Variants in DNTTIP1 observed in about 807,000 individuals in gnomAD.
DNTTIP1 encodes deoxynucleotidyltransferase terminal interacting protein 1.
DNTTIP1 carries 22 observed loss-of-function variants against 52.9 expected under a neutral mutation model. That is an observed-to-expected ratio of 0.42 (90% confidence interval 0.30 to 0.59). The LOEUF (loss-of-function observed/expected upper bound fraction) is 0.59, where lower values mean the gene tolerates loss of function less well. Ranked by LOEUF, DNTTIP1 falls within the 20% of genes least tolerant of loss-of-function variation. DNTTIP1 has a pLI of 0.22. For synonymous variants in DNTTIP1, 136 were observed against 155.1 expected (o/e 0.88, Z 0.92); for missense variants, 286 against 435.5 (o/e 0.66, Z 3.06).
chr20:45,805,819 C>G (rs1981619534), intron 10 of DNTTIP1, among the ~76,000 whole-genome samples: 1 of 152,206 alleles, frequency 6.6e-6, no homozygotes, highest in Non-Finnish European at 1.5e-5. Flanking sequence ...TGCGTGAGCT[C>G]ACACCTGTAA....
chr20:45,797,611 C>T (rs1981285256), intron 4 of DNTTIP1, among the ~76,000 whole-genome samples: 1 of 152,150 alleles, frequency 6.6e-6, no homozygotes. Flanking sequence ...CCAGAATCTA[C>T]AATGAACTCT....
intron 5 of DNTTIP1, 37 bp downstream of exon 5, chr20:45,801,179 G>C (rs374568306): frequency 6.3e-7 from 1 of 1,599,384 alleles, no homozygotes; most frequent in African/African-American, 1.3e-5. Flanking sequence ...TGGAGCGGGA[G>C]GTCCTTCAGG....
rs554012652 is a variant in DNTTIP1, at chr20:45,811,228, C to A, written c.*33C>A. ...TCCCCTGGCCACACTTGGCAGCCCT[C>A]CTCCAAAGCCCTCTTCCTCACGTGG... On this transcript the variant is annotated 3_prime_UTR_variant, in exon 13 of 13. Coordinates refer to ENST00000372622, the MANE Select transcript of DNTTIP1 (RefSeq NM_052951.3). 3 of 1,574,364 alleles carry A rather than the reference C, an allele frequency of 1.9e-6. No individual in the cohort carries two copies. The highest frequency in any genetic ancestry group is 2.6e-6 in the Non-Finnish European group (3 of 1,162,720).
intron 4 of DNTTIP1, among the ~76,000 whole-genome samples, chr20:45,797,067 A>G (rs79490689): frequency 6.6e-6 from 1 of 152,196 alleles, no homozygotes; most frequent in Non-Finnish European, 1.5e-5. Context: ...TCAGCCGCTC[A>G]TAATTCACAC....
chr20:45,800,679 TA>T (rs144859982), intron 4 of DNTTIP1, among the ~76,000 whole-genome samples: 860 of 14,618 alleles, frequency 0.059, 34 homozygotes, highest in East Asian at 0.16. Context: ...CATCTCAATT[TA>T]AAAAAAAAAA....
intron 11 of DNTTIP1, 144 bp from the exon 12 acceptor site, chr20:45,810,741 T>G (rs1235629476): frequency 5.8e-6 from 4 of 691,230 alleles, no homozygotes; most frequent in Non-Finnish European, 1.0e-5. Context: ...CCCTCCCCAC[T>G]TACTCTTCCG....
rs763995174 is a variant in DNTTIP1, at chr20:45,805,286, A to C, written c.663-20A>C. The stretch of plus-strand genomic sequence containing the variant: ...GACTACACTTTCTGGAATCTTGACC[A>C]CTTGGCTTTTACTTTTCAGAGCCCT... On this transcript the variant is annotated intron_variant, in intron 9 of 12. Transcript: ENST00000372622. 2 of 1,614,068 alleles carry C rather than the reference A, an allele frequency of 1.2e-6. No homozygotes were observed. The highest frequency in any genetic ancestry group is 2.2e-5 in the East Asian group (1 of 44,898).
Position 45,792,059 on chromosome 20 carries a change from G to A in DNTTIP1, c.55G>A (p.Gly19Ser), listed in dbSNP as rs772067016. ...GCGGGGACCTAGCGGGGCCGAGAGG[G>A]GCGGCTTGGAGCTGGGGGATGCGGG... is the stretch of plus-strand genomic sequence containing the variant. The part of the protein sequence containing the change: ...QPRGPSGAER[G>S]GLELGDAGAA... Residue 19 changes from glycine to serine, a missense_variant, in exon 1 of 13, where the codon GGC (glycine) becomes AGC (serine). Transcript: ENST00000372622. 8 of 1,285,156 alleles carry A rather than the reference G, an allele frequency of 6.2e-6. No homozygotes were observed. Among genetic ancestry groups the A allele is most frequent in the Non-Finnish European group, 7.9e-6 (8 of 1,015,184 alleles). The allele number at this position is 1,285,156 out of a possible 1,614,324, so 79.6% of individuals were successfully genotyped here. A position where few individuals can be genotyped will look rare whatever the true frequency, so the allele number is the denominator to read the frequency against.
chr20:45,810,773 C>T, intron 11 of DNTTIP1, 112 bp from the exon 12 acceptor site: 2 of 953,518 alleles, frequency 2.1e-6, no homozygotes, highest in Non-Finnish European at 3.3e-6. Context: ...AAACCGCATC[C>T]CCCGCTTCCA....
intron 11 of DNTTIP1, among the ~76,000 whole-genome samples, chr20:45,810,540 G>A (rs773910721): frequency 2.0e-5 from 3 of 150,888 alleles, no homozygotes; most frequent in African/African-American, 4.9e-5. Context: ...AAAAGGTGTA[G>A]GAGCAATGGT....
intron 2 of DNTTIP1, among the ~76,000 whole-genome samples, chr20:45,793,708 A>G (rs911953235): frequency 2.0e-5 from 3 of 152,230 alleles, no homozygotes; most frequent in Non-Finnish European, 4.4e-5. Flanking sequence ...TCAAAAAAAA[A>G]AACTTTGAAA....
chr20:45,807,624 A>T (rs1304141941), intron 10 of DNTTIP1, among the ~76,000 whole-genome samples: 1 of 152,206 alleles, frequency 6.6e-6, no homozygotes, highest in Non-Finnish European at 1.5e-5. Flanking sequence ...AAAGATTCAG[A>T]CGATACACAG....
At position 45,809,237 on chromosome 20, in the gene DNTTIP1, C is replaced by T. The variant is rs1450761198; in HGVS notation, c.795+52C>T. The T allele has an allele frequency of 6.4e-7, 1 of 1,567,238 alleles. No homozygotes were observed. The highest frequency in any genetic ancestry group is 1.1e-5 in the South Asian group (1 of 89,890). On this transcript the variant is annotated intron_variant, in intron 11 of 12. Transcript: ENST00000372622. This position sits in a 1 kb window ranked among gnomAD's most constrained non-coding sequence, Gnocchi z 4.2. ...CCAGTGACCCACCCCACCTGGGAAC[C>T]AGGATTTTGGCTGTGGGTGACAGCC...
chr20:45,798,439 A>G (rs567755494), intron 4 of DNTTIP1, among the ~76,000 whole-genome samples: 22 of 152,230 alleles, frequency 1.4e-4, no homozygotes, highest in African/African-American at 5.3e-4. Flanking sequence ...ATATGTAACA[A>G]ACCTGCATGT....
chr20:45,811,356 T>G lies in DNTTIP1; in HGVS notation c.*161T>G, dbSNP rs1045629429. ...ACTGCACAGCACCCCCAGACTAGCATGTGGTTCTATATTTGTAAAGTTATT... is the reference window on the plus strand; with the variant it reads ...ACTGCACAGCACCCCCAGACTAGCAGGTGGTTCTATATTTGTAAAGTTATT... On this transcript the variant is annotated 3_prime_UTR_variant, in exon 13 of 13. Transcript: ENST00000372622. 5.8e-6 allele frequency: 4 copies of G among 688,226 alleles called. No individual in the cohort carries two copies. Among genetic ancestry groups the G allele is most frequent in the Non-Finnish European group, 9.2e-6 (4 of 432,990 alleles). The allele number at this position is 688,226 out of a possible 1,614,324, so 42.6% of individuals were successfully genotyped here.
At chr20:45,803,263 A>C in intron 7 of DNTTIP1, 70 bp from the exon 8 acceptor site, 1 of 1,502,722 alleles carries the variant, frequency 6.7e-7, no homozygotes, top group Non-Finnish European at 9.2e-7. Context: ...TCCTACCACC[A>C]CCAGCAAGCT....
chr20:45,803,464 G>T lies in DNTTIP1; in HGVS notation c.603+86G>T, dbSNP rs1981539104. Reference sequence around the variant, plus strand: ...GACCCACCATGAGGGAAAGGGGCAGGGGGCGAAGGGTGCATGCACACCATT... The same window carrying T: ...GACCCACCATGAGGGAAAGGGGCAGTGGGCGAAGGGTGCATGCACACCATT... On this transcript the variant is annotated intron_variant, in intron 8 of 12. Coordinates refer to ENST00000372622, the MANE Select transcript of DNTTIP1 (RefSeq NM_052951.3). The T allele has an allele frequency of 2.7e-6, 4 of 1,487,980 alleles. No individual in the cohort carries two copies. The East Asian group carries it at 9.2e-5, about 34-fold the overall frequency. 92.2% of individuals were successfully genotyped at this position (1,487,980 alleles called of 1,614,324 possible). A position where few individuals can be genotyped will look rare whatever the true frequency, so the allele number is the denominator to read the frequency against.
chr20:45,801,997 A>G lies in DNTTIP1; in HGVS notation c.499-2A>G, dbSNP rs774736151. The G allele has an allele frequency of 6.2e-7, 1 of 1,614,202 alleles. No homozygotes were observed. Among genetic ancestry groups the G allele is most frequent in the Admixed American group, 1.7e-5 (1 of 60,026 alleles). Reference sequence around the variant, plus strand: ...ACCTCTGACAGCTGTTTTTTGTGGCAGAGGAAAGGACGGCCTCCTGGACAC... The same window carrying G: ...ACCTCTGACAGCTGTTTTTTGTGGCGGAGGAAAGGACGGCCTCCTGGACAC... On this transcript the variant is annotated splice_acceptor_variant, in intron 6 of 12. Transcript: ENST00000372622. LOFTEE classifies it high-confidence loss of function.
At position 45,801,526 on chromosome 20, in the gene DNTTIP1, A is replaced by G. The variant is rs1414635360; in HGVS notation, c.498+68A>G. 60 of 1,552,534 alleles carry G rather than the reference A, an allele frequency of 3.9e-5. No homozygotes were observed. The Admixed American group carries it at 7.5e-4, about 20-fold the overall frequency. On this transcript the variant is annotated intron_variant, in intron 6 of 12. Transcript: ENST00000372622. ...TGTCAGGCCGGGTGTGGTGGCTCAC[A>G]CCTGTAATCCCAACACTTTGGGAGG...
Sources: allele counts gnomAD v4.1 joint callset (sites outside exome capture counted in the v4.1 genomes callset), GRCh38; gene constraint gnomAD v4.1.1; non-coding constraint Gnocchi (gnomAD v3.1); transcripts MANE v1.5; gene names NCBI Gene and HGNC (gene_info 2026-07-23, HGNC 2026-07-21).